The following SLC12A2 variants were observed in gnomAD, a reference collection of about 807,000 sequenced individuals.
SLC12A2 encodes the protein solute carrier family 12 member 2.
A neutral mutation model predicts 136.3 loss-of-function variants in SLC12A2; 67 were observed. That is an observed-to-expected ratio of 0.49 (90% confidence interval 0.40 to 0.60). SLC12A2 has a LOEUF of 0.60. Ranked by LOEUF, SLC12A2 falls within the 20% of genes least tolerant of loss-of-function variation. The pLI, the probability that SLC12A2 is intolerant of heterozygous loss-of-function variation, is 0.00. For synonymous variants in SLC12A2, 619 were observed against 562.9 expected, an observed-to-expected ratio of 1.10 and a Z score of -1.41; for missense variants, 1,322 against 1,534.7, an observed-to-expected ratio of 0.86 and a Z score of 2.32.
rs2126763735 is a variant in SLC12A2, at chr5:128,186,693, A to G, written c.*62A>G. The G allele has an allele frequency of 1.3e-6, 2 of 1,493,846 alleles. No individual in the cohort carries two copies. Among genetic ancestry groups the G allele is most frequent in the South Asian group, 2.4e-5 (2 of 83,412 alleles). The allele number at this position is 1,493,846 out of a possible 1,614,324, so 92.5% of individuals were successfully genotyped here. ...TTCAGTGCCTAGTGTAGTAACTGAA[A>G]TCTTCAATGACACATTAACATCACA... On this transcript the variant is annotated 3_prime_UTR_variant, in exon 27 of 27. Coordinates refer to ENST00000262461, the MANE Select transcript of SLC12A2 (RefSeq NM_001046.3).
At chr5:128,166,448 A>G (rs1763205927) in intron 17 of SLC12A2, among the ~76,000 whole-genome samples, 1 of 151,200 alleles carries the variant, frequency 6.6e-6, no homozygotes, top group East Asian at 2.0e-4. Context: ...CAACAGATGA[A>G]TGGATAAACA....
At chr5:128,158,990 T>G (rs1282090727) in intron 16 of SLC12A2, among the ~76,000 whole-genome samples, 3 of 152,056 alleles carry the variant, frequency 2.0e-5, no homozygotes, top group Non-Finnish European at 4.4e-5. Context: ...TGGAAATAAT[T>G]TGACAAGCCA....
At chr5:128,115,022 G>T (rs1019251313) in intron 4 of SLC12A2, among the ~76,000 whole-genome samples, 121 of 152,224 alleles carry the variant, frequency 7.9e-4, no homozygotes, top group Non-Finnish European at 2.6e-4. Context: ...ATTGTATTGG[G>T]GTAACCTCAT....
chr5:128,187,452 G>T lies in SLC12A2; in HGVS notation c.*821G>T, dbSNP rs779612087. On this transcript the variant is annotated 3_prime_UTR_variant, in exon 27 of 27. Coordinates refer to ENST00000262461, the MANE Select transcript of SLC12A2 (RefSeq NM_001046.3). ...TCAAGATCATTTATATTTATTTGGA[G>T]AGAAAACTGTCCTAATTTAGAATTT... The T allele has an allele frequency of 6.6e-6, 1 of 152,054 alleles. No homozygotes were observed. The highest frequency in any genetic ancestry group is 2.4e-5 in the African/African-American group (1 of 41,410). The allele number at this position is 152,054 out of a possible 1,614,324, so 9.4% of individuals were successfully genotyped here. A position where few individuals can be genotyped will look rare whatever the true frequency, so the allele number is the denominator to read the frequency against.
intron 4 of SLC12A2, among the ~76,000 whole-genome samples, chr5:128,125,416 G>A (rs1337924216): frequency 6.6e-6 from 1 of 152,116 alleles, no homozygotes; most frequent in Non-Finnish European, 1.5e-5. Flanking sequence ...TCAATGATGA[G>A]GAGCATCTTT....
chr5:128,188,190 C>G lies in SLC12A2; in HGVS notation c.*1559C>G, dbSNP rs1763926401. 1.3e-5 allele frequency: 2 copies of G among 151,688 alleles called. No homozygotes were observed. The highest frequency in any genetic ancestry group is 2.9e-5 in the Non-Finnish European group (2 of 68,004). The allele number at this position is 151,688 out of a possible 1,614,324, so 9.4% of individuals were successfully genotyped here. On this transcript the variant is annotated 3_prime_UTR_variant, in exon 27 of 27. Transcript: ENST00000262461. ...GCATGCTGTAATTTCACACAATTTT[C>G]CAGTTCAAAAATGGAGAATACTTCG...
intron 17 of SLC12A2, among the ~76,000 whole-genome samples, chr5:128,166,499 A>G (rs1157372046): frequency 6.6e-6 from 1 of 151,894 alleles, no homozygotes; most frequent in Non-Finnish European, 1.5e-5. Context: ...TGTGTATGAA[A>G]TGGAATATTA....
At chr5:128,163,321 G>A (rs1763102834) in intron 17 of SLC12A2, among the ~76,000 whole-genome samples, 1 of 152,130 alleles carries the variant, frequency 6.6e-6, no homozygotes, top group African/African-American at 2.4e-5. Context: ...CTGAGGTCAG[G>A]AGTTCAAGAC....
At chr5:128,095,582 AC>A (rs1313852795) in intron 1 of SLC12A2, among the ~76,000 whole-genome samples, 7 of 152,084 alleles carry the variant, frequency 4.6e-5, no homozygotes, top group African/African-American at 1.7e-4. Flanking sequence ...AGCAAGTTTG[AC>A]CACCTTACAA....
chr5:128,132,137 T>G (rs563619241), intron 5 of SLC12A2, among the ~76,000 whole-genome samples: 2 of 152,228 alleles, frequency 1.3e-5, no homozygotes, highest in Admixed American at 1.3e-4. Flanking sequence ...GGGTCTTGTT[T>G]GGGATTGGGG....
At chr5:128,096,974 C>T (rs975270087) in intron 1 of SLC12A2, among the ~76,000 whole-genome samples, 1 of 152,054 alleles carries the variant, frequency 6.6e-6, no homozygotes, top group Non-Finnish European at 1.5e-5. Flanking sequence ...ATCATTATAA[C>T]ATCTTCATCT....
In SLC12A2 at chr5:128,109,953, A is replaced by G. The variant is rs2126666026; in HGVS notation, c.757-2861A>G. 5 of 890,226 alleles carry G rather than the reference A, an allele frequency of 5.6e-6. No individual in the cohort carries two copies. The South Asian group carries it at 6.5e-5, about 12-fold the overall frequency. The allele number at this position is 890,226 out of a possible 1,614,324, so 55.1% of individuals were successfully genotyped here. On this transcript the variant is annotated intron_variant, in intron 1 of 26. Transcript: ENST00000262461. ...GGGATGAACTGCCCAACTGGAAACC[A>G]TTGCTCAGATTCAGAGAGATCTGGC...
intron 17 of SLC12A2, among the ~76,000 whole-genome samples, chr5:128,166,861 A>G (rs1473275720): frequency 2.0e-5 from 3 of 152,064 alleles, no homozygotes; most frequent in Non-Finnish European, 2.9e-5. Context: ...TGTGCACACA[A>G]TCTTGGAAAT....
In SLC12A2 at chr5:128,161,770, C is replaced by A; in HGVS notation, c.2586C>A (p.Asp862Glu). Reference protein sequence around the residue: ...KAFYAPVHADDLREGAQYLMQ... With the variant: ...KAFYAPVHADELREGAQYLMQ... The stretch of plus-strand genomic sequence containing the variant: ...TTTATGCTCCAGTACATGCAGATGA[C>A]TTGAGAGAAGGTGCACAGTATTTGA... Residue 862 changes from aspartate to glutamate, a missense_variant, in exon 17 of 27, where the codon GAC becomes GAA. By Grantham distance (45) the Asp-to-Glu change is conservative. Around this residue, in one of 8 missense-constraint regions of SLC12A2, gnomAD observed 226 missense variants for 210.4 expected, o/e 1.07. Coordinates refer to ENST00000262461, the MANE Select transcript of SLC12A2 (RefSeq NM_001046.3). 6.7e-7 allele frequency: 1 copy of A among 1,497,510 alleles called. No homozygotes were observed. The highest frequency in any genetic ancestry group is 8.9e-7 in the Non-Finnish European group (1 of 1,126,412). The allele number at this position is 1,497,510 out of a possible 1,614,324, so 92.8% of individuals were successfully genotyped here.
At chr5:128,146,382 A>G (rs1232653512) in intron 10 of SLC12A2, among the ~76,000 whole-genome samples, 1 of 151,716 alleles carries the variant, frequency 6.6e-6, no homozygotes, top group East Asian at 1.9e-4. Flanking sequence ...TTATAGTGTC[A>G]TTTTAAAATC....
chr5:128,185,751 A>G (rs1035975375), intron 26 of SLC12A2, among the ~76,000 whole-genome samples: 10 of 152,162 alleles, frequency 6.6e-5, no homozygotes, highest in Admixed American at 4.6e-4. Context: ...AAAGAATTCT[A>G]TTCTTATTAA....
intron 1 of SLC12A2, among the ~76,000 whole-genome samples, chr5:128,100,658 G>T (rs1215491262): frequency 6.6e-6 from 1 of 152,042 alleles, no homozygotes. Context: ...TAATTACATG[G>T]TTCTTGATAC....
intron 1 of SLC12A2, among the ~76,000 whole-genome samples, chr5:128,103,690 ACC>A (rs138724921): frequency 0.03 from 4,532 of 152,298 alleles, 235 homozygotes; most frequent in African/African-American, 0.1. Flanking sequence ...TTAAACTAAG[ACC>A]TAAAGGATGA....
At chr5:128,118,025 A>T (rs1383380027) in intron 4 of SLC12A2, among the ~76,000 whole-genome samples, 2 of 152,156 alleles carry the variant, frequency 1.3e-5, no homozygotes, top group Non-Finnish European at 2.9e-5. Context: ...ATACCATCTT[A>T]CTCCTGCAGG....
Sources: allele counts gnomAD v4.1 joint callset (sites outside exome capture counted in the v4.1 genomes callset), GRCh38; gene constraint gnomAD v4.1.1; regional missense constraint gnomAD v4.1.1; transcripts MANE v1.5; gene names NCBI Gene and HGNC (gene_info 2026-07-23, HGNC 2026-07-21).